GMNC: variants seen among roughly 807,000 people sequenced by gnomAD.
The protein encoded by GMNC is geminin coiled-coil domain-containing protein 1.
A neutral mutation model predicts 33.6 loss-of-function variants in GMNC; 16 were observed. The observed-to-expected ratio is 0.48, with a 90% CI of 0.32 to 0.72. The LOEUF is 0.72. Among genes scored for constraint, GMNC ranks in the 30% least tolerant of loss-of-function variants. The pLI is 0.03. For missense variants in GMNC, 393 were observed against 388.9 expected, an observed-to-expected ratio of 1.01 and a Z score of -0.09; for synonymous variants, 156 against 147.3, an observed-to-expected ratio of 1.06 and a Z score of -0.43.
chr3:190,855,847 T>C lies in GMNC; in HGVS notation c.453A>G (p.Lys151=). 1 of 1,551,186 alleles carries C rather than the reference T, an allele frequency of 6.4e-7. No homozygotes were observed. ...TCTCAGCAGGAGAGTATCTTTGCTCTTTGGATTTTCTCTTCCCCTTCCTGA... is the reference window on the plus strand; with the variant it reads ...TCTCAGCAGGAGAGTATCTTTGCTCCTTGGATTTTCTCTTCCCCTTCCTGA... ...GKFRKGKRKS[K]EQRYSPAEIP... The change falls in exon 5 of 5, where the codon AAA becomes AAG. Residue 151 remains lysine, a synonymous_variant. Coordinates refer to ENST00000442080, the MANE Select transcript of GMNC (RefSeq NM_001146686.3).
chr3:190,853,166 G>C lies in GMNC; in HGVS notation c.*2129C>G, dbSNP rs2108529017. The C allele has an allele frequency of 6.6e-6, 1 of 152,146 alleles. No homozygotes were observed. The highest frequency in any genetic ancestry group is 2.1e-4 in the South Asian group (1 of 4,828). The allele number at this position is 152,146 out of a possible 1,614,324, so 9.4% of individuals were successfully genotyped here. Reference sequence around the variant, plus strand: ...GTGCTAAGCCTGGGTGTACCCTCATGGTACTTAACACATGATAAGGCACAC... The same window carrying C: ...GTGCTAAGCCTGGGTGTACCCTCATCGTACTTAACACATGATAAGGCACAC... On this transcript the variant is annotated 3_prime_UTR_variant, in exon 5 of 5. Transcript: ENST00000442080.
At chr3:190,852,056 C>T (rs1737643682), downstream of GMNC, among the ~76,000 whole-genome samples, 2 of 151,622 alleles carry the variant, frequency 1.3e-5, no homozygotes, top group South Asian at 4.2e-4. Context: ...AAAACAAATT[C>T]TATTTGATTT....
the GMNC span, among the ~76,000 whole-genome samples, chr3:190,846,424 G>A: frequency 1.3e-5 from 2 of 152,002 alleles, no homozygotes; most frequent in African/African-American, 4.8e-5. Flanking sequence ...TAAACTTACT[G>A]TTTGATATTA....
In GMNC at chr3:190,862,479, A is replaced by G. The variant is rs1737895060; in HGVS notation, c.3+134T>C. 1.4e-6 allele frequency: 1 copy of G among 731,790 alleles called. No individual in the cohort carries two copies. The highest frequency in any genetic ancestry group is 2.5e-6 in the Non-Finnish European group (1 of 399,936). 45.3% of individuals were successfully genotyped at this position (731,790 alleles called of 1,614,324 possible). On this transcript the variant is annotated intron_variant, in intron 1 of 4. Coordinates refer to ENST00000442080, the MANE Select transcript of GMNC (RefSeq NM_001146686.3). This position sits in a 1 kb window ranked among gnomAD's most constrained non-coding sequence, Gnocchi z 4.5. ...TACTAAAAGAGACACAGGGCAGCAGAGAGGATCTGTTTTAACTGGCGGGTA... is the reference window on the plus strand; with the variant it reads ...TACTAAAAGAGACACAGGGCAGCAGGGAGGATCTGTTTTAACTGGCGGGTA...
chr3:190,858,596 C>T (rs1268110153), intron 3 of GMNC, among the ~76,000 whole-genome samples: 2 of 152,204 alleles, frequency 1.3e-5, no homozygotes, highest in Non-Finnish European at 2.9e-5. Flanking sequence ...TACTGTCACA[C>T]TCATTATATC....
At position 190,861,131 on chromosome 3, in the gene GMNC, T is replaced by C. The variant is rs1161891304; in HGVS notation, c.4-273A>G. ...GCATTGAATGGGTGAAATTTGTACATATCCAGGAGGATTGTCTGTTGCAAC... is the reference window on the plus strand; with the variant it reads ...GCATTGAATGGGTGAAATTTGTACACATCCAGGAGGATTGTCTGTTGCAAC... On this transcript the variant is annotated intron_variant, in intron 1 of 4. Transcript: ENST00000442080. The surrounding 1 kb of genome is among the most constrained non-coding windows in gnomAD (Gnocchi z 5.1). Among the ~76,000 whole-genome samples the C allele has an allele frequency of 1.3e-5, 2 of 152,160 alleles. No individual in the cohort carries two copies. The highest frequency in any genetic ancestry group is 2.9e-5 in the Non-Finnish European group (2 of 68,022).
At chr3:190,859,818 T>C (rs772775672) in intron 2 of GMNC, 1 of 455,278 alleles carries the variant, frequency 2.2e-6, no homozygotes, top group Non-Finnish European at 4.4e-6. Context: ...ATATTGTTGA[T>C]ACTGAAATAT....
rs995525577 is a variant in GMNC at position 190,861,673 on chromosome 3, C to G, written c.4-815G>C. Among the ~76,000 whole-genome samples, 3 of 152,178 alleles carry G rather than the reference C, an allele frequency of 2.0e-5. No individual in the cohort carries two copies. The highest frequency in any genetic ancestry group is 7.2e-5 in the African/African-American group (3 of 41,436). On this transcript the variant is annotated intron_variant, in intron 1 of 4. Transcript: ENST00000442080. The surrounding 1 kb of genome is among the most constrained non-coding windows in gnomAD (Gnocchi z 5.1). ...GGGCTCAGTGCCCCTCCAAAGTTAT[C>G]TTGCCATTAACTGGCATGTATTCTC...
chr3:190,858,788 A>C (rs1347006101), intron 3 of GMNC, 140 bp downstream of exon 3: 1 of 442,732 alleles, frequency 2.3e-6, no homozygotes, highest in Non-Finnish European at 4.0e-6. Context: ...TCTAACTTTG[A>C]TCTCTCTTTG....
At chr3:190,848,101 T>C (rs866414076), downstream of GMNC, among the ~76,000 whole-genome samples, 2 of 152,190 alleles carry the variant, frequency 1.3e-5, no homozygotes, top group Non-Finnish European at 2.9e-5. Flanking sequence ...ACCATACTGA[T>C]ACCAATGTCA....
At chr3:190,844,187 A>G in the GMNC span, among the ~76,000 whole-genome samples, 1 of 152,096 alleles carries the variant, frequency 6.6e-6, no homozygotes, top group Non-Finnish European at 1.5e-5. Flanking sequence ...ATTCACCACC[A>G]TGACTTCTGG....
chr3:190,857,704 C>T, intron 4 of GMNC, 79 bp downstream of exon 4: 1 of 740,524 alleles, frequency 1.4e-6, no homozygotes, highest in Admixed American at 2.1e-5. Context: ...ACTGTTTAAT[C>T]AAGGAGTTTT....
At position 190,855,422 on chromosome 3, in the gene GMNC, ATCTCTG is replaced by A. The variant is rs142308680; in HGVS notation, c.872_877del (p.Thr291_Glu292del). 1,788 of 1,552,092 alleles carry A rather than the reference ATCTCTG, an allele frequency of 1.2e-3. 19 individuals are homozygous for A. In the African/African-American group the frequency reaches 0.02, roughly 17 times the overall value. Reference sequence around the variant, plus strand: ...AGGGCTCAGGGATGTGGAAAATGCCATCTCTGTCTTGTTGGGTGACACATGAGCAGT... The same window carrying A: ...AGGGCTCAGGGATGTGGAAAATGCCATCTTGTTGGGTGACACATGAGCAGT... On this transcript the variant is annotated inframe_deletion, in exon 5 of 5. Coordinates refer to ENST00000442080, the MANE Select transcript of GMNC (RefSeq NM_001146686.3).
rs1038429938 is a variant in GMNC, at chr3:190,853,264, A to G, written c.*2031T>C. On this transcript the variant is annotated 3_prime_UTR_variant, in exon 5 of 5. Transcript: ENST00000442080. ...GCTTGATTATTAGACTTTCAAAATT[A>G]GTTATATTACTTTCTCAATTCCTAG... 6.6e-5 allele frequency: 10 copies of G among 152,152 alleles called. No individual in the cohort carries two copies. In the East Asian group the frequency reaches 1.7e-3, roughly 26 times the overall value. 9.4% of individuals were successfully genotyped at this position (152,152 alleles called of 1,614,324 possible). A position where few individuals can be genotyped will look rare whatever the true frequency, so the allele number is the denominator to read the frequency against.
At chr3:190,845,574 C>G in the GMNC span, among the ~76,000 whole-genome samples, 5 of 139,956 alleles carry the variant, frequency 3.6e-5, no homozygotes, top group East Asian at 1.1e-3. Flanking sequence ...CAGTGGTATG[C>G]TCCCTGCTCA....
At chr3:190,843,747 C>A in the GMNC span, among the ~76,000 whole-genome samples, 1 of 152,192 alleles carries the variant, frequency 6.6e-6, no homozygotes, top group South Asian at 2.1e-4. Flanking sequence ...TGCTTTTTTG[C>A]TTCAATCAAT....
At chr3:190,859,627 T>C (rs1222053285) in intron 2 of GMNC, 2 of 203,406 alleles carry the variant, frequency 9.8e-6, no homozygotes, top group Non-Finnish European at 2.1e-5. Context: ...CCAGACCTTA[T>C]CTGTTTCAAC....
chr3:190,853,170 C>A lies in GMNC; in HGVS notation c.*2125G>T, dbSNP rs1737663542. The stretch of plus-strand genomic sequence containing the variant: ...TAAGCCTGGGTGTACCCTCATGGTA[C>A]TTAACACATGATAAGGCACACAAAG... On this transcript the variant is annotated 3_prime_UTR_variant, in exon 5 of 5. Transcript: ENST00000442080. The A allele has an allele frequency of 6.6e-6, 1 of 152,212 alleles. No individual in the cohort carries two copies. The highest frequency in any genetic ancestry group is 2.4e-5 in the African/African-American group (1 of 41,566). 9.4% of individuals were successfully genotyped at this position (152,212 alleles called of 1,614,324 possible). A position where few individuals can be genotyped will look rare whatever the true frequency, so the allele number is the denominator to read the frequency against.
Position 190,858,969 on chromosome 3 carries a change from C to G in GMNC, c.226G>C (p.Glu76Gln). The G allele has an allele frequency of 6.4e-7, 1 of 1,550,478 alleles. No homozygotes were observed. The highest frequency in any genetic ancestry group is 8.7e-7 in the Non-Finnish European group (1 of 1,146,122). Residue 76 changes from glutamate to glutamine, a missense_variant, in exon 3 of 5, where the codon GAA becomes CAA. By Grantham distance (29) the Glu-to-Gln change is conservative. Coordinates refer to ENST00000442080, the MANE Select transcript of GMNC (RefSeq NM_001146686.3). Reference protein sequence around the residue: ...NFPLPDLCSWEEAQLSSQLYR... With the variant: ...NFPLPDLCSWQEAQLSSQLYR... ...AGCTGAGAGGAAAGCTGAGCCTCTT[C>G]CCATGAGCACAAGTCCGGAAGAGGA...
Sources: gnomAD v4.1 joint callset for allele counts (sites outside exome capture counted in the v4.1 genomes callset) on GRCh38, gnomAD v4.1.1 for gene constraint, Gnocchi (gnomAD v3.1) non-coding constraint, MANE v1.5 for transcripts, NCBI Gene and HGNC (gene_info 2026-07-23, HGNC 2026-07-21) for gene names.